Variants in CTNNB1 observed in about 807,000 individuals in gnomAD.
CTNNB1 encodes the protein catenin beta 1.
In CTNNB1, 6 loss-of-function variants were observed where a neutral mutation model predicts 82.5. That is an observed-to-expected ratio of 0.07 (90% CI 0.04 to 0.14). The LOEUF (loss-of-function observed/expected upper bound fraction) is 0.14, where lower values mean the gene tolerates loss of function less well. Ranked by LOEUF, CTNNB1 falls within the 10% of genes least tolerant of loss-of-function variation. The pLI, the probability that CTNNB1 is intolerant of heterozygous loss-of-function variation, is 1.00. For missense variants in CTNNB1, 529 were observed against 980.4 expected, an observed-to-expected ratio of 0.54 and a Z score of 6.15; for synonymous variants, 312 against 329.7, an observed-to-expected ratio of 0.95 and a Z score of 0.58.
intron 1 of CTNNB1, among the ~76,000 whole-genome samples, chr3:41,223,491 AT>A (rs2078100564): frequency 6.6e-6 from 1 of 152,180 alleles, no homozygotes; most frequent in African/African-American, 2.4e-5. Context: ...GTACCAAAAA[AT>A]CTAAAATTCG....
In CTNNB1 at chr3:41,229,079, C is replaced by T. The variant is rs115601583; in HGVS notation, c.1081+1727C>T. ...ATTGGTCTCTGTGTCTGTTTGTATA[C>T]CAGTACCATGCTGTGATTGTAACCT... On this transcript the variant is annotated intron_variant, in intron 7 of 14. Transcript: ENST00000349496. Among the ~76,000 whole-genome samples the T allele has an allele frequency of 2.8e-3, 426 of 152,222 alleles. 3 individuals are homozygous for T. The highest frequency in any genetic ancestry group is 1.0e-2 in the African/African-American group (415 of 41,528).
At chr3:41,217,715 A>G (rs942184710) in intron 1 of CTNNB1, among the ~76,000 whole-genome samples, 4 of 152,220 alleles carry the variant, frequency 2.6e-5, no homozygotes, top group Admixed American at 6.5e-5. Flanking sequence ...GATATTATCA[A>G]TCTTTTCAAT....
intron 10 of CTNNB1, chr3:41,234,850 T>C (rs2078397941): frequency 6.1e-6 from 1 of 164,510 alleles, no homozygotes; most frequent in Admixed American, 5.7e-5. Context: ...TATAGTCTAA[T>C]GACATTTCTG....
chr3:41,220,191 T>C (rs1402200659), intron 1 of CTNNB1, among the ~76,000 whole-genome samples: 2 of 152,124 alleles, frequency 1.3e-5, no homozygotes, highest in African/African-American at 4.8e-5. Context: ...AGAGATTTCC[T>C]ATTTCTTTTT....
Position 41,235,821 on chromosome 3 carries a change from A to G in CTNNB1, c.1781A>G (p.Asn594Ser), listed in dbSNP as rs766038845. The G allele has an allele frequency of 6.2e-7, 1 of 1,614,136 alleles. No individual in the cohort carries two copies. Among genetic ancestry groups the G allele is most frequent in the Admixed American group, 1.7e-5 (1 of 60,028 alleles). Residue 594 changes from asparagine to serine, a missense_variant, in exon 11 of 15, where the codon AAT becomes AGT. Physicochemically the swap from Asn to Ser is conservative, Grantham distance 46 (BLOSUM62 1). Coordinates refer to ENST00000349496, the MANE Select transcript of CTNNB1 (RefSeq NM_001904.4). ...AACCGAATTGTTATCAGAGGACTAA[A>G]TACCATTCCATTGTTTGTGCAGGTA... ...VHNRIVIRGL[N>S]TIPLFVQLLY...
intron 1 of CTNNB1, among the ~76,000 whole-genome samples, chr3:41,201,731 A>G (rs904585231): frequency 3.9e-5 from 6 of 152,202 alleles, no homozygotes; most frequent in Non-Finnish European, 5.9e-5. Flanking sequence ...TTAAAAAAAA[A>G]TGAAGCATTT....
chr3:41,236,918 TTG>T (rs1365330116), intron 13 of CTNNB1: 24 of 621,746 alleles, frequency 3.9e-5, no homozygotes, highest in African/African-American at 3.7e-4. Flanking sequence ...TACAAATAAG[TTG>T]TGTTATTTAA....
At chr3:41,224,411 TC>T (rs1367828320) in intron 2 of CTNNB1, 114 bp from the exon 3 acceptor site, 2 of 1,135,820 alleles carry the variant, frequency 1.8e-6, no homozygotes, top group Admixed American at 4.1e-5. Flanking sequence ...TGGCTGTCTT[TC>T]AGATTTGACT....
chr3:41,216,311 A>G (rs2077915716), intron 1 of CTNNB1, among the ~76,000 whole-genome samples: 1 of 152,194 alleles, frequency 6.6e-6, no homozygotes, highest in African/African-American at 2.4e-5. Flanking sequence ...GCAGTATCCT[A>G]AAATTATGCT....
intron 1 of CTNNB1, among the ~76,000 whole-genome samples, chr3:41,209,387 A>G (rs1475231459): frequency 6.6e-6 from 1 of 152,130 alleles, no homozygotes; most frequent in Non-Finnish European, 1.5e-5. Flanking sequence ...GTTTTCCCCA[A>G]AGCTGCATCT....
chr3:41,208,780 A>G (rs1441529924), intron 1 of CTNNB1, among the ~76,000 whole-genome samples: 2 of 152,066 alleles, frequency 1.3e-5, no homozygotes, highest in Non-Finnish European at 2.9e-5. Context: ...AGCAGATTCC[A>G]TCCCCTCTTG....
chr3:41,227,955 T>C (rs181394477), intron 7 of CTNNB1, among the ~76,000 whole-genome samples: 26 of 152,282 alleles, frequency 1.7e-4, no homozygotes, highest in Non-Finnish European at 3.2e-4. Flanking sequence ...CTCCCACTTA[T>C]AAGTGAGAAC....
At chr3:41,217,964 A>AT (rs1377907814) in intron 1 of CTNNB1, among the ~76,000 whole-genome samples, 2 of 152,110 alleles carry the variant, frequency 1.3e-5, no homozygotes, top group Non-Finnish European at 2.9e-5. Context: ...TGTTGCTCAG[A>AT]TTTTAAAAAC....
At position 41,233,745 on chromosome 3, in the gene CTNNB1, C is replaced by G. The variant is rs1433004172; in HGVS notation, c.1402C>G (p.Leu468Val). ...CATCACTGAGCCTGCCATCTGTGCT[C>G]TTCGTCATCTGACCAGCCGACACCA... The part of the protein sequence containing the change: ...EDITEPAICA[L>V]RHLTSRHQEA... The change falls in exon 9 of 15, where the codon CTT (leucine) becomes GTT (valine). Residue 468 changes from leucine (L) to valine (V), a missense_variant. Coordinates refer to ENST00000349496, the MANE Select transcript of CTNNB1 (RefSeq NM_001904.4). 1 of 1,614,092 alleles carries G rather than the reference C, an allele frequency of 6.2e-7. No individual in the cohort carries two copies. Among genetic ancestry groups the G allele is most frequent in the East Asian group, 2.2e-5 (1 of 44,870 alleles).
intron 7 of CTNNB1, among the ~76,000 whole-genome samples, chr3:41,233,038 G>A (rs2078347441): frequency 6.6e-6 from 1 of 152,160 alleles, no homozygotes; most frequent in African/African-American, 2.4e-5. Flanking sequence ...TGAAATGATT[G>A]AATGGATGAA....
chr3:41,209,485 A>G (rs779671273), intron 1 of CTNNB1, among the ~76,000 whole-genome samples: 36 of 152,224 alleles, frequency 2.4e-4, no homozygotes, highest in Admixed American at 2.2e-3. Flanking sequence ...CATACCACGT[A>G]TCTGAATTCT....
intron 13 of CTNNB1, 200 bp from the exon 14 acceptor site, chr3:41,237,816 A>C: frequency 1.8e-6 from 1 of 570,222 alleles, no homozygotes; most frequent in Non-Finnish European, 3.1e-6. Flanking sequence ...GAGTATTTTT[A>C]ATGTGAGGTG....
At chr3:41,206,785 T>C (rs1484655048) in intron 1 of CTNNB1, among the ~76,000 whole-genome samples, 1 of 152,088 alleles carries the variant, frequency 6.6e-6, no homozygotes, top group Non-Finnish European at 1.5e-5. Context: ...CAAGTAACTT[T>C]GGAGGCTTCC....
chr3:41,211,769 A>G (rs908934427), intron 1 of CTNNB1, among the ~76,000 whole-genome samples: 7 of 152,148 alleles, frequency 4.6e-5, no homozygotes, highest in Non-Finnish European at 8.8e-5. Flanking sequence ...GATCCAGTCT[A>G]CCGTTCATGG....
Sources: gnomAD v4.1 joint callset for allele counts (sites outside exome capture counted in the v4.1 genomes callset) on GRCh38, gnomAD v4.1.1 for gene constraint, MANE v1.5 for transcripts, NCBI Gene and HGNC (gene_info 2026-07-23, HGNC 2026-07-21) for gene names.